WDPCP: variants seen among roughly 807,000 people sequenced by gnomAD.
WDPCP encodes the protein WD repeat-containing and planar cell polarity effector protein fritz homolog.
WDPCP carries 71 observed loss-of-function variants against 93.1 expected under a neutral mutation model. The observed-to-expected ratio is 0.76, with a 90% CI of 0.63 to 0.93. The LOEUF (loss-of-function observed/expected upper bound fraction) is 0.93. Ranked by LOEUF, WDPCP falls within the 40% of genes least tolerant of loss-of-function variation. The probability of loss-of-function intolerance (pLI) is 0.00; values close to 1 mark genes in which losing one functional copy is unlikely to be tolerated. For missense variants in WDPCP, 844 were observed against 887.4 expected, an observed-to-expected ratio of 0.95 and a Z score of 0.62; for synonymous variants, 315 against 315.0, an observed-to-expected ratio of 1.00 and a Z score of 0.00.
intron 14 of WDPCP, among the ~76,000 whole-genome samples, chr2:63,230,852 G>C (rs1277100138): frequency 6.6e-6 from 1 of 152,148 alleles, no homozygotes; most frequent in Non-Finnish European, 1.5e-5. Flanking sequence ...CAGATGGGTA[G>C]ATTGCAAAAA....
intron 15 of WDPCP, among the ~76,000 whole-genome samples, chr2:63,157,411 G>A (rs1364467954): frequency 6.6e-6 from 1 of 151,932 alleles, no homozygotes; most frequent in African/African-American, 2.4e-5. Flanking sequence ...AATGAGCTGG[G>A]ATGTGTTGAA....
intron 14 of WDPCP, among the ~76,000 whole-genome samples, chr2:63,187,866 TCTC>T (rs1308541131): frequency 2.0e-5 from 3 of 152,228 alleles, no homozygotes; most frequent in African/African-American, 4.8e-5. Flanking sequence ...TTTGAGGAAC[TCTC>T]CTTAGTATTT....
At chr2:63,376,341 A>T (rs1286630454) in intron 12 of WDPCP, among the ~76,000 whole-genome samples, 1 of 151,954 alleles carries the variant, frequency 6.6e-6, no homozygotes, top group East Asian at 1.9e-4. Context: ...GGAGAATAAT[A>T]ATTTTGATAA....
At chr2:63,721,771 G>A (rs964818044) in intron 2 of WDPCP, among the ~76,000 whole-genome samples, 2 of 125,550 alleles carry the variant, frequency 1.6e-5, no homozygotes, top group Non-Finnish European at 1.6e-5. Flanking sequence ...CTCTTTCCAC[G>A]GTCTCCCTCT....
intron 12 of WDPCP, among the ~76,000 whole-genome samples, chr2:63,375,878 C>T (rs2104830384): frequency 6.6e-6 from 1 of 151,982 alleles, no homozygotes; most frequent in South Asian, 2.1e-4. Context: ...TAATTTTAGG[C>T]ACACCCCTAA....
intron 13 of WDPCP, among the ~76,000 whole-genome samples, chr2:63,266,720 C>G (rs1173500898): frequency 6.6e-6 from 1 of 152,100 alleles, no homozygotes; most frequent in Non-Finnish European, 1.5e-5. Context: ...GCAGGAGAAT[C>G]ATTTGAACTC....
rs569127539 is a variant in WDPCP at position 63,162,193 on chromosome 2, G to A, written c.2079-8619C>T. ...ATATGGCATATTTAACTTCATATTC[G>A]ACTTGCACAGCATGCAAGTTCAGAA... On this transcript the variant is annotated intron_variant, in intron 15 of 17. Transcript: ENST00000272321. Among the ~76,000 whole-genome samples, 507 of 151,984 alleles carry A rather than the reference G, an allele frequency of 3.3e-3. 3 individuals carry two copies. Among genetic ancestry groups the A allele is most frequent in the African/African-American group, 8.4e-3 (348 of 41,454 alleles).
intron 2 of WDPCP, among the ~76,000 whole-genome samples, chr2:63,784,787 C>G (rs539522179): frequency 2.0e-5 from 3 of 152,076 alleles, no homozygotes; most frequent in African/African-American, 7.2e-5. Context: ...TATTGTAGTA[C>G]TTGAATTCAA....
intron 12 of WDPCP, among the ~76,000 whole-genome samples, chr2:63,352,550 T>C (rs908622): frequency 0.8 from 121,881 of 152,210 alleles, 49,673 homozygotes; most frequent in East Asian, 0.96. Context: ...TTTAACTGAA[T>C]CATGGGATGA....
intron 1 of WDPCP, among the ~76,000 whole-genome samples, chr2:63,560,138 G>T (rs141696344): frequency 6.6e-6 from 1 of 152,084 alleles, no homozygotes; most frequent in Non-Finnish European, 1.5e-5. Context: ...CAGGAGAACC[G>T]CTTGAAGCTG....
chr2:63,516,388 ACT>A (rs1337132745), intron 1 of WDPCP, among the ~76,000 whole-genome samples: 3 of 152,174 alleles, frequency 2.0e-5, no homozygotes, highest in Non-Finnish European at 2.9e-5. Flanking sequence ...TTTATTAAAC[ACT>A]AGTCTTATTT....
In WDPCP at chr2:63,230,161, C is replaced by G. The variant is rs1458893282; in HGVS notation, c.1915+29146G>C. On this transcript the variant is annotated intron_variant, in intron 14 of 17. Coordinates refer to ENST00000272321, the MANE Select transcript of WDPCP (RefSeq NM_015910.7). ...CCAAGTATTCTCATTCTTCAATTCC[C>G]ACTTATGAGTGAGAACATGCAGTGT... Among the ~76,000 whole-genome samples the G allele has an allele frequency of 1.2e-4, 18 of 149,336 alleles. No homozygotes were observed. The East Asian group carries it at 2.5e-3, about 20-fold the overall frequency.
chr2:63,509,565 G>A (rs1252015103), intron 1 of WDPCP, among the ~76,000 whole-genome samples: 1 of 152,006 alleles, frequency 6.6e-6, no homozygotes, highest in African/African-American at 2.4e-5. Context: ...CAGAAGACAA[G>A]AAATAACTAA....
chr2:63,313,381 A>G, intron 12 of WDPCP, 70 bp from the exon 13 acceptor site: 1 of 1,454,716 alleles, frequency 6.9e-7, no homozygotes, highest in Non-Finnish European at 9.5e-7. Context: ...CTGTTTATTT[A>G]ACATATATCT....
In WDPCP at chr2:63,588,288, G is replaced by A. The variant is rs527489560; in HGVS notation, c.-17C>T. ...TCGCCTCATCACCAGACACTACCCC[G>A]GGCAGAAGGTTCCTAGGCTAGGTCC... On this transcript the variant is annotated 5_prime_UTR_variant, in exon 1 of 18. Transcript: ENST00000272321. 132 of 1,567,806 alleles carry A rather than the reference G, an allele frequency of 8.4e-5. No homozygotes were observed. Among genetic ancestry groups the A allele is most frequent in the South Asian group, 8.4e-4 (72 of 85,648 alleles).
At chr2:63,602,956 T>G (rs1709455553) in intron 3 of WDPCP, among the ~76,000 whole-genome samples, 1 of 14,370 alleles carries the variant, frequency 7.0e-5, no homozygotes, top group Non-Finnish European at 1.4e-4. Context: ...TTTTTTTTTT[T>G]TTTTTTTTTT....
intron 12 of WDPCP, among the ~76,000 whole-genome samples, chr2:63,338,165 T>C (rs1688525069): frequency 6.6e-6 from 1 of 152,198 alleles, no homozygotes; most frequent in Admixed American, 6.5e-5. Context: ...CATTTTAATT[T>C]AATTTTTGTG....
chr2:63,637,846 T>C (rs1028698009), intron 3 of WDPCP, among the ~76,000 whole-genome samples: 3 of 152,200 alleles, frequency 2.0e-5, no homozygotes, highest in South Asian at 4.1e-4. Flanking sequence ...GGAATGTAAA[T>C]TGGTATAGCT....
chr2:63,711,309 T>C (rs932809567), intron 2 of WDPCP, among the ~76,000 whole-genome samples: 1 of 152,154 alleles, frequency 6.6e-6, no homozygotes, highest in Non-Finnish European at 1.5e-5. Flanking sequence ...GTAGTACCAG[T>C]AAAGTTTCAC....
Sources: allele counts gnomAD v4.1 joint callset (sites outside exome capture counted in the v4.1 genomes callset), GRCh38; gene constraint gnomAD v4.1.1; transcripts MANE v1.5; gene names NCBI Gene and HGNC (gene_info 2026-07-23, HGNC 2026-07-21).